The following KCNH1 variants were observed in gnomAD, a reference collection of about 807,000 sequenced individuals.
The protein encoded by KCNH1 is potassium voltage-gated channel subfamily H member 1, also known as voltage-gated delayed rectifier potassium channel KCNH1.
KCNH1 carries 27 observed loss-of-function variants against 69.2 expected under a neutral mutation model. The observed-to-expected ratio is 0.39, with a 90% CI of 0.29 to 0.54. The LOEUF is 0.54. Among genes scored for constraint, KCNH1 ranks in the 20% least tolerant of loss-of-function variants. The pLI is 0.68. For synonymous variants in KCNH1, 456 were observed against 487.7 expected, an observed-to-expected ratio of 0.93 and a Z score of 0.86; for missense variants, 798 against 1,261.6, an observed-to-expected ratio of 0.63 and a Z score of 5.57.
At chr1:210,799,394 G>T (rs1372171701) in intron 8 of KCNH1, among the ~76,000 whole-genome samples, 2 of 152,088 alleles carry the variant, frequency 1.3e-5, no homozygotes, top group Non-Finnish European at 2.9e-5. Context: ...CACAAAAAAG[G>T]CTTGTAATTT....
At chr1:211,010,189 C>A (rs1263132754) in intron 6 of KCNH1, among the ~76,000 whole-genome samples, 1 of 151,892 alleles carries the variant, frequency 6.6e-6, no homozygotes, top group Non-Finnish European at 1.5e-5. Flanking sequence ...AGGAGTTTGG[C>A]CAGGTATTAG....
At chr1:211,012,646 A>T (rs7524268) in intron 6 of KCNH1, among the ~76,000 whole-genome samples, 1 of 152,028 alleles carries the variant, frequency 6.6e-6, no homozygotes, top group Non-Finnish European at 1.5e-5. Flanking sequence ...CGTGGAGCAC[A>T]GGGGATGTTT....
At chr1:211,031,056 TA>T (rs1377292042) in intron 5 of KCNH1, among the ~76,000 whole-genome samples, 2 of 151,874 alleles carry the variant, frequency 1.3e-5, no homozygotes, top group African/African-American at 4.8e-5. Context: ...ACACACCTAT[TA>T]AAATGGCTAA....
At chr1:211,079,320 A>G (rs1312563162) in intron 5 of KCNH1, among the ~76,000 whole-genome samples, 1 of 152,202 alleles carries the variant, frequency 6.6e-6, no homozygotes, top group Non-Finnish European at 1.5e-5. Context: ...TTGAGGCAAT[A>G]ATTAATAGCC....
At chr1:210,902,146 C>A (rs1053296010) in intron 7 of KCNH1, among the ~76,000 whole-genome samples, 4 of 152,172 alleles carry the variant, frequency 2.6e-5, no homozygotes, top group Non-Finnish European at 5.9e-5. Context: ...AGAGGGCACC[C>A]GCCCCTACCC....
intron 5 of KCNH1, among the ~76,000 whole-genome samples, chr1:211,062,288 C>T (rs1349252536): frequency 6.6e-6 from 1 of 152,090 alleles, no homozygotes; most frequent in Non-Finnish European, 1.5e-5. Context: ...AATTAGACCC[C>T]TATCTTGCAC....
At chr1:210,922,206 C>G (rs987241099) in intron 6 of KCNH1, among the ~76,000 whole-genome samples, 2 of 151,676 alleles carry the variant, frequency 1.3e-5, no homozygotes, top group East Asian at 3.9e-4. Context: ...ATGGTGAAAC[C>G]CTGTCTCCAC....
At chr1:211,081,560 G>A (rs1452412850) in intron 5 of KCNH1, among the ~76,000 whole-genome samples, 2 of 152,188 alleles carry the variant, frequency 1.3e-5, no homozygotes, top group Non-Finnish European at 2.9e-5. Flanking sequence ...AAAGAACTTG[G>A]AACTGACCCA....
intron 7 of KCNH1, among the ~76,000 whole-genome samples, chr1:210,917,404 G>A (rs978316127): frequency 1.1e-4 from 17 of 151,516 alleles, no homozygotes; most frequent in African/African-American, 1.9e-4. Context: ...GAAAAGAGGC[G>A]GTAAATAATT....
Position 210,754,844 on chromosome 1 carries a change from GCACACACACACA to G in KCNH1, c.2112+20492_2112+20503del, listed in dbSNP as rs3040180. 4.3e-3 allele frequency among the ~76,000 whole-genome samples: 640 copies of G among 148,954 alleles called. 2 individuals are homozygous for G. Among genetic ancestry groups the G allele is most frequent in the African/African-American group, 9.8e-3 (395 of 40,426 alleles). On this transcript the variant is annotated intron_variant, in intron 10 of 10. Coordinates refer to ENST00000271751, the MANE Select transcript of KCNH1 (RefSeq NM_172362.3). ...GGGCCTGATACACAAGTACACACGGGCACACACACACACACACACACACACACACACACACAG... is the reference window on the plus strand; with the variant it reads ...GGGCCTGATACACAAGTACACACGGGCACACACACACACACACACACACAG...
chr1:211,006,860 G>C (rs1179951952), intron 6 of KCNH1, among the ~76,000 whole-genome samples: 3 of 151,882 alleles, frequency 2.0e-5, no homozygotes, highest in Non-Finnish European at 2.9e-5. Flanking sequence ...CATAAAAAGG[G>C]AAAATCTATT....
At chr1:210,920,378 A>T (rs972282823) in intron 6 of KCNH1, among the ~76,000 whole-genome samples, 2 of 152,232 alleles carry the variant, frequency 1.3e-5, no homozygotes, top group South Asian at 4.1e-4. Context: ...ACTTTAAAAA[A>T]TTTTAAGGGT....
chr1:211,066,244 G>T (rs1051259830), intron 5 of KCNH1, among the ~76,000 whole-genome samples: 1 of 152,114 alleles, frequency 6.6e-6, no homozygotes, highest in Non-Finnish European at 1.5e-5. Context: ...TCTAGAAAGT[G>T]ATATAAAGAG....
intron 7 of KCNH1, among the ~76,000 whole-genome samples, chr1:210,879,115 G>T (rs926567053): frequency 1.3e-4 from 20 of 151,982 alleles, no homozygotes; most frequent in African/African-American, 4.6e-4. Context: ...TCAAAAATTG[G>T]ATCAATAATT....
chr1:210,975,330 A>G (rs576252614), intron 6 of KCNH1, among the ~76,000 whole-genome samples: 115 of 152,286 alleles, frequency 7.6e-4, no homozygotes, highest in Admixed American at 1.5e-3. Flanking sequence ...GAGGCATCAC[A>G]CTACCTGACT....
chr1:210,738,818 A>T (rs990716764), intron 10 of KCNH1, among the ~76,000 whole-genome samples: 1 of 152,016 alleles, frequency 6.6e-6, no homozygotes, highest in African/African-American at 2.4e-5. Flanking sequence ...CTCCTGCATC[A>T]GCTTCCCAAA....
At chr1:210,951,620 A>C (rs1688063874) in intron 6 of KCNH1, among the ~76,000 whole-genome samples, 1 of 152,200 alleles carries the variant, frequency 6.6e-6, no homozygotes, top group Non-Finnish European at 1.5e-5. Flanking sequence ...CCTCAGGCAT[A>C]GAAAAACGTA....
At chr1:210,730,117 G>C (rs367759601) in intron 10 of KCNH1, among the ~76,000 whole-genome samples, 30 of 152,304 alleles carry the variant, frequency 2.0e-4, no homozygotes, top group African/African-American at 5.8e-4. Flanking sequence ...TGACACAGGA[G>C]GAAGATTAAA....
chr1:211,112,501 TAAAAA>T (rs74258707), intron 1 of KCNH1, among the ~76,000 whole-genome samples: 1 of 126,414 alleles, frequency 7.9e-6, no homozygotes, highest in East Asian at 2.6e-4. Flanking sequence ...ATTAAATAAA[TAAAAA>T]AAAAAAAAAA....
Sources: gnomAD v4.1 joint callset for allele counts (sites outside exome capture counted in the v4.1 genomes callset) on GRCh38, gnomAD v4.1.1 for gene constraint, MANE v1.5 for transcripts, NCBI Gene and HGNC (gene_info 2026-07-23, HGNC 2026-07-21) for gene names.